The following TRIM34 variants were observed in gnomAD, a reference collection of about 807,000 sequenced individuals.
TRIM34 encodes the protein E3 ubiquitin-protein ligase TRIM34.
TRIM34 carries 41 observed loss-of-function variants against 38.1 expected under a neutral mutation model. That is an observed-to-expected ratio of 1.08 (90% CI 0.84 to 1.40). The LOEUF is 1.40. Among genes scored for constraint, TRIM34 ranks in the 40% most tolerant of loss-of-function variants. The pLI is 0.00. For synonymous variants in TRIM34, 200 were observed against 202.5 expected (o/e 0.99, Z 0.10); for missense variants, 556 against 571.4 (o/e 0.97, Z 0.27).
intron 3 of TRIM34, among the ~76,000 whole-genome samples, 164 bp from the exon 4 acceptor site, chr11:5,634,467 A>AATAT (rs35894966): frequency 4.8e-5 from 7 of 145,986 alleles, no homozygotes; most frequent in Non-Finnish European, 9.0e-5. Flanking sequence ...AGATAATACA[A>AATAT]ATATATATAT....
upstream of TRIM34, among the ~76,000 whole-genome samples, chr11:5,621,691 A>G (rs1262988797): frequency 6.6e-6 from 1 of 152,246 alleles, no homozygotes; most frequent in Non-Finnish European, 1.5e-5. Flanking sequence ...TGCTTAGGGC[A>G]AACCTGCCTC....
rs1175733457 is a variant in TRIM34 at position 5,643,664 on chromosome 11, T to G, written c.1422T>G (p.Pro474=). 1 of 1,613,528 alleles carries G rather than the reference T, an allele frequency of 6.2e-7. No homozygotes were observed. ...AGCCTGTTTATCCATATTTCAATCCTTGGAACTGTCCAGCTCCCATGACTC... is the reference window on the plus strand; with the variant it reads ...AGCCTGTTTATCCATATTTCAATCCGTGGAACTGTCCAGCTCCCATGACTC... ...FSQPVYPYFN[P]WNCPAPMTLC... Residue 474 remains proline, a synonymous_variant, in exon 8 of 8, where the codon CCT becomes CCG. Coordinates refer to ENST00000429814, the MANE Select transcript of TRIM34 (RefSeq NM_021616.6).
intron 1 of TRIM34, among the ~76,000 whole-genome samples, chr11:5,625,621 G>A (rs1370306615): frequency 2.0e-5 from 3 of 152,162 alleles, no homozygotes; most frequent in East Asian, 1.9e-4. Flanking sequence ...CCATCCTCAC[G>A]TATTCTTAGT....
Position 5,634,530 on chromosome 11 carries a change from C to CAT in TRIM34, c.520-84_520-83dup, listed in dbSNP as rs112822638. ...ACACACACACACACACACACACACA[C>CAT]ATATATATATATATATATTTCCCTA... is the stretch of plus-strand genomic sequence containing the variant. On this transcript the variant is annotated intron_variant, in intron 3 of 7. Coordinates refer to ENST00000429814, the MANE Select transcript of TRIM34 (RefSeq NM_021616.6). 9.1e-3 allele frequency: 2,334 copies of CAT among 256,616 alleles called. 4 individuals are homozygous for CAT. Among genetic ancestry groups the CAT allele is most frequent in the South Asian group, 0.014 (251 of 17,438 alleles). The allele number at this position is 256,616 out of a possible 1,614,324, so 15.9% of individuals were successfully genotyped here.
chr11:5,634,646 G>T lies in TRIM34; in HGVS notation c.535G>T (p.Glu179Ter). 6.2e-7 allele frequency: 1 copy of T among 1,613,016 alleles called. No individual in the cohort carries two copies. Among genetic ancestry groups the T allele is most frequent in the Non-Finnish European group, 8.5e-7 (1 of 1,179,576 alleles). Residue 179 changes from glutamate to a stop codon, truncating the protein, a stop_gained, in exon 4 of 8, where the codon GAG becomes TAG. Transcript: ENST00000429814. LOFTEE classifies it high-confidence loss of function. The stretch of plus-strand genomic sequence containing the variant: ...ATCCTTGCAGTATCAGGTACAAACT[G>T]AGAGACAAAGGATACAAACAGAATT... ...KTSWKYQVQT[E>*]RQRIQTEFDQ...
chr11:5,632,392 C>G lies in TRIM34; in HGVS notation c.61C>G (p.Leu21Val). The stretch of plus-strand genomic sequence containing the variant: ...GGTGACCTGTCCCATCTGCCTGGAG[C>G]TGTTGACAGAACCCTTGAGTCTAGA... The part of the protein sequence containing the change: ...EEVTCPICLE[L>V]LTEPLSLDCG... Residue 21 changes from leucine to valine, a missense_variant, in exon 2 of 8, where the codon CTG becomes GTG. By Grantham distance (32) the Leu-to-Val change is conservative. Transcript: ENST00000429814. 1 of 1,614,102 alleles carries G rather than the reference C, an allele frequency of 6.2e-7. No individual in the cohort carries two copies. Among genetic ancestry groups the G allele is most frequent in the Non-Finnish European group, 8.5e-7 (1 of 1,180,026 alleles).
chr11:5,629,037 G>C (rs1849365107), intron 1 of TRIM34, among the ~76,000 whole-genome samples: 2 of 152,174 alleles, frequency 1.3e-5, no homozygotes, highest in Non-Finnish European at 2.9e-5. Flanking sequence ...AGCACTTTGG[G>C]AGGCCGAGAC....
At chr11:5,642,613 G>T (rs1174924926) in intron 6 of TRIM34, 107 bp downstream of exon 6, 1 of 1,393,990 alleles carries the variant, frequency 7.2e-7, no homozygotes, top group African/African-American at 1.5e-5. Flanking sequence ...GAGGAGGGAG[G>T]TCAGAGAATA....
At chr11:5,641,015 G>A in intron 4 of TRIM34, 152 bp from the exon 5 acceptor site, 1 of 999,760 alleles carries the variant, frequency 1.0e-6, no homozygotes, top group Non-Finnish European at 1.4e-6. Context: ...TTTTTTCTTG[G>A]TGTGTCTAGC....
rs563669829 is a variant in TRIM34, at chr11:5,628,074, G to T, written c.-78+3014G>T. The stretch of plus-strand genomic sequence containing the variant: ...TACCTCCCTGACTGCTGCTGGGCTT[G>T]AGCCACACTGGGAAGTGGTGGGGTC... On this transcript the variant is annotated intron_variant, in intron 1 of 7. Transcript: ENST00000429814. Among the ~76,000 whole-genome samples, 47 of 152,334 alleles carry T rather than the reference G, an allele frequency of 3.1e-4. No homozygotes were observed. In the South Asian group the frequency reaches 5.2e-3, roughly 17 times the overall value.
chr11:5,635,043 T>C lies in TRIM34; in HGVS notation c.750+182T>C, dbSNP rs149544448. ...AATTTATGAAGTAAGGGAATACATT[T>C]TACCTTGCAGAAAAGATCCATTATA... On this transcript the variant is annotated intron_variant, in intron 4 of 7. Coordinates refer to ENST00000429814, the MANE Select transcript of TRIM34 (RefSeq NM_021616.6). Among the ~76,000 whole-genome samples, 113 of 152,236 alleles carry C rather than the reference T, an allele frequency of 7.4e-4. 1 individual carries two copies. Among genetic ancestry groups the C allele is most frequent in the Admixed American group, 1.6e-3 (25 of 15,286 alleles).
chr11:5,643,114 CAT>C, intron 7 of TRIM34, 28 bp from the exon 8 acceptor site: 2 of 492,974 alleles, frequency 4.1e-6, no homozygotes, highest in South Asian at 7.5e-5. Context: ...TATTCATATA[CAT>C]ATATATATAT....
At chr11:5,633,945 G>C (rs1249067831) in intron 3 of TRIM34, 46 bp downstream of exon 3, 1 of 1,604,320 alleles carries the variant, frequency 6.2e-7, no homozygotes, top group Non-Finnish European at 8.5e-7. Context: ...ATCTTGACAG[G>C]ACCTTAATCC....
chr11:5,625,935 C>T (rs1163035619), intron 1 of TRIM34, among the ~76,000 whole-genome samples: 2 of 152,234 alleles, frequency 1.3e-5, no homozygotes, highest in Non-Finnish European at 2.9e-5. Flanking sequence ...AAGGAGCCCA[C>T]GGATTTAATC....
Position 5,642,802 on chromosome 11 carries a change from C to A in TRIM34, c.875-15C>A. On this transcript the variant is annotated splice_polypyrimidine_tract_variant and intron_variant, in intron 6 of 7. Transcript: ENST00000429814. ...TTGTTTCTAATCAGCATCACTGAATCTTTTATTATTTCAGAACTGACAGCT... is the reference window on the plus strand; with the variant it reads ...TTGTTTCTAATCAGCATCACTGAATATTTTATTATTTCAGAACTGACAGCT... The A allele has an allele frequency of 6.2e-7, 1 of 1,613,846 alleles. No homozygotes were observed. The highest frequency in any genetic ancestry group is 8.5e-7 in the Non-Finnish European group (1 of 1,179,908).
chr11:5,634,551 C>T, intron 3 of TRIM34, 80 bp from the exon 4 acceptor site: 1 of 1,014,728 alleles, frequency 9.9e-7, no homozygotes, highest in Non-Finnish European at 1.4e-6. Context: ...ATATATATTT[C>T]CCTACTGGCT....
chr11:5,636,621 A>C (rs1439576017), intron 4 of TRIM34, among the ~76,000 whole-genome samples: 2 of 152,188 alleles, frequency 1.3e-5, no homozygotes, highest in Non-Finnish European at 2.9e-5. Context: ...CCTTCACAAA[A>C]GAACACTGTG....
chr11:5,628,542 A>T (rs574780905), intron 1 of TRIM34, among the ~76,000 whole-genome samples: 80 of 152,166 alleles, frequency 5.3e-4, no homozygotes, highest in African/African-American at 1.7e-3. Flanking sequence ...CTTTTGATGG[A>T]TGGTTAGAGG....
At chr11:5,632,190 G>C in intron 1 of TRIM34, 65 bp from the exon 2 acceptor site, 3 of 1,517,938 alleles carry the variant, frequency 2.0e-6, no homozygotes, top group Non-Finnish European at 1.8e-6. Context: ...AGTCTTTATT[G>C]TCTGTGCAAT....
Sources: allele counts gnomAD v4.1 joint callset (sites outside exome capture counted in the v4.1 genomes callset), GRCh38; gene constraint gnomAD v4.1.1; transcripts MANE v1.5; gene names NCBI Gene and HGNC (gene_info 2026-07-23, HGNC 2026-07-21).